The following ST8SIA5 variants were observed in gnomAD, a reference collection of about 807,000 sequenced individuals.
ST8SIA5 encodes ST8 alpha-N-acetyl-neuraminide alpha-2,8-sialyltransferase 5, also known as alpha-2,8-sialyltransferase 8E.
ST8SIA5 carries 24 observed loss-of-function variants against 40.2 expected under a neutral mutation model. That is an observed-to-expected ratio of 0.60 (90% CI 0.43 to 0.84). ST8SIA5 has a LOEUF of 0.84. ST8SIA5 is among the 40% of genes least tolerant of loss of function. The pLI is 0.00. For synonymous variants in ST8SIA5, 198 were observed against 201.8 expected (o/e 0.98, Z 0.16); for missense variants, 465 against 498.5 (o/e 0.93, Z 0.64).
Position 46,756,665 on chromosome 18 carries a change from C to T in ST8SIA5, c.-157G>A, listed in dbSNP as rs2040252192. ...GGGCAAAGTTTCTGGTTGGCGCGGC[C>T]GGAGCTGGGGGCATCCAAGCGTCGC... On this transcript the variant is annotated 5_prime_UTR_variant, in exon 1 of 7. Transcript: ENST00000315087. The T allele has an allele frequency of 3.4e-6, 3 of 878,134 alleles. No individual in the cohort carries two copies. The highest frequency in any genetic ancestry group is 5.8e-5 in the East Asian group (2 of 34,752). The allele number at this position is 878,134 out of a possible 1,614,324, so 54.4% of individuals were successfully genotyped here.
At chr18:46,707,503 C>T (rs1319816523) in intron 1 of ST8SIA5, among the ~76,000 whole-genome samples, 2 of 152,192 alleles carry the variant, frequency 1.3e-5, no homozygotes, top group South Asian at 2.1e-4. Flanking sequence ...TCCTCTTTCT[C>T]CTGCATCCTC....
At chr18:46,756,345 C>G in intron 1 of ST8SIA5, 33 bp downstream of exon 1, 2 of 1,604,034 alleles carry the variant, frequency 1.2e-6, no homozygotes, top group Non-Finnish European at 1.7e-6. Context: ...CGGCCGGCTC[C>G]GCGCATCCCG....
chr18:46,730,870 C>G (rs183305364), intron 1 of ST8SIA5, among the ~76,000 whole-genome samples: 26 of 152,210 alleles, frequency 1.7e-4, no homozygotes, highest in Non-Finnish European at 2.9e-4. Flanking sequence ...AATTCCAGTG[C>G]TTTGGGAGGC....
intron 1 of ST8SIA5, among the ~76,000 whole-genome samples, chr18:46,738,267 G>T (rs2040054298): frequency 7.6e-6 from 1 of 131,930 alleles, no homozygotes. Flanking sequence ...AAAAAAAAAG[G>T]TGGGTGGGGC....
At chr18:46,753,070 G>A (rs1178072080) in intron 1 of ST8SIA5, among the ~76,000 whole-genome samples, 1 of 152,214 alleles carries the variant, frequency 6.6e-6, no homozygotes, top group Non-Finnish European at 1.5e-5. Flanking sequence ...GCTGAGGCTA[G>A]TGACCCACTG....
At chr18:46,688,457 G>T in intron 4 of ST8SIA5, among the ~76,000 whole-genome samples, 1 of 152,188 alleles carries the variant, frequency 6.6e-6, no homozygotes, top group East Asian at 1.9e-4. Context: ...TCAGGAGGGG[G>T]ACGAATGTGT....
At chr18:46,715,583 C>T (rs4890337) in intron 1 of ST8SIA5, among the ~76,000 whole-genome samples, 38,922 of 149,760 alleles carry the variant, frequency 0.26, 5,851 homozygotes, top group Middle Eastern at 0.4. Flanking sequence ...TTTTGAGATA[C>T]GGTCTTACTC....
At chr18:46,708,641 A>G (rs1454351647) in intron 1 of ST8SIA5, among the ~76,000 whole-genome samples, 2 of 152,162 alleles carry the variant, frequency 1.3e-5, no homozygotes, top group Non-Finnish European at 2.9e-5. Flanking sequence ...GATAACCCCT[A>G]TGCCCCAGAA....
chr18:46,699,470 G>A (rs550185425), intron 2 of ST8SIA5, among the ~76,000 whole-genome samples: 1 of 150,348 alleles, frequency 6.7e-6, no homozygotes, highest in Non-Finnish European at 1.5e-5. Context: ...AGCTCCGCCT[G>A]CTGGGTTCAC....
intron 2 of ST8SIA5, among the ~76,000 whole-genome samples, chr18:46,701,785 T>A (rs77423983): frequency 2.2e-4 from 33 of 152,308 alleles, no homozygotes; most frequent in African/African-American, 7.5e-4. Flanking sequence ...ACCCCATTCA[T>A]AGGATTTCTT....
intron 1 of ST8SIA5, among the ~76,000 whole-genome samples, chr18:46,732,757 G>A (rs527326349): frequency 6.6e-6 from 1 of 152,126 alleles, no homozygotes; most frequent in African/African-American, 2.4e-5. Context: ...AAGGTAGCTC[G>A]GTTTTCTTAT....
chr18:46,705,121 G>T (rs780542787), intron 1 of ST8SIA5, among the ~76,000 whole-genome samples: 1 of 152,126 alleles, frequency 6.6e-6, no homozygotes, highest in South Asian at 2.1e-4. Context: ...CTTGATCCTC[G>T]TGCCTACACT....
chr18:46,679,199 C>T lies in ST8SIA5; in HGVS notation c.*843G>A, dbSNP rs1033104565. ...GGAAGACAAAAGAGGAAGCCAATTGCTAAGCACTTATTGAGTCAATAACAT... is the reference window on the plus strand; with the variant it reads ...GGAAGACAAAAGAGGAAGCCAATTGTTAAGCACTTATTGAGTCAATAACAT... On this transcript the variant is annotated 3_prime_UTR_variant, in exon 7 of 7. Coordinates refer to ENST00000315087, the MANE Select transcript of ST8SIA5 (RefSeq NM_013305.6). 1.3e-5 allele frequency: 2 copies of T among 152,236 alleles called. No individual in the cohort carries two copies. Among genetic ancestry groups the T allele is most frequent in the African/African-American group, 4.8e-5 (2 of 41,456 alleles). 9.4% of individuals were successfully genotyped at this position (152,236 alleles called of 1,614,324 possible). A position where few individuals can be genotyped will look rare whatever the true frequency, so the allele number is the denominator to read the frequency against.
chr18:46,690,613 C>CTTT (rs34766517), intron 3 of ST8SIA5, among the ~76,000 whole-genome samples: 21,871 of 116,754 alleles, frequency 0.19, 3,070 homozygotes, highest in Non-Finnish European at 0.23. Context: ...GCTGCTGAGA[C>CTTT]TTTTTTTTTT....
intron 2 of ST8SIA5, among the ~76,000 whole-genome samples, chr18:46,703,290 C>T (rs748535631): frequency 3.3e-5 from 5 of 152,098 alleles, no homozygotes; most frequent in South Asian, 2.1e-4. Flanking sequence ...GGACTACAGG[C>T]GCCTGCCACC....
At chr18:46,756,326 G>C in intron 1 of ST8SIA5, 52 bp downstream of exon 1, 1 of 1,599,080 alleles carries the variant, frequency 6.3e-7, no homozygotes, top group South Asian at 1.1e-5. Flanking sequence ...CTGCCACCCG[G>C]GGGCTCGCCG....
In ST8SIA5 at chr18:46,756,487, C is replaced by A. The variant is rs560296820; in HGVS notation, c.22G>T (p.Ala8Ser). The A allele has an allele frequency of 6.2e-7, 1 of 1,612,916 alleles. No individual in the cohort carries two copies. Among genetic ancestry groups the A allele is most frequent in the Admixed American group, 1.7e-5 (1 of 59,974 alleles). The change falls in exon 1 of 7, where the codon GCC becomes TCC. Residue 8 changes from alanine (A) to serine (S), a missense_variant. Transcript: ENST00000315087. MRYADPS[A>S]NRDLLGSRTL... ...CGGCTCCCCAACAAATCCCGGTTGG[C>A]CGAGGGGTCCGCGTAGCGCATCCTG...
chr18:46,703,281 G>A (rs2039636244), intron 2 of ST8SIA5, among the ~76,000 whole-genome samples: 1 of 152,178 alleles, frequency 6.6e-6, no homozygotes, highest in African/African-American at 2.4e-5. Context: ...GAGTAGCTGG[G>A]ACTACAGGCG....
intron 2 of ST8SIA5, among the ~76,000 whole-genome samples, chr18:46,698,458 A>G (rs1189734192): frequency 2.6e-5 from 4 of 151,308 alleles, no homozygotes. Flanking sequence ...CCAACGATCC[A>G]ACAACCCACC....
Sources: gnomAD v4.1 joint callset for allele counts (sites outside exome capture counted in the v4.1 genomes callset) on GRCh38, gnomAD v4.1.1 for gene constraint, MANE v1.5 for transcripts, NCBI Gene and HGNC (gene_info 2026-07-23, HGNC 2026-07-21) for gene names.